Variants in CEP350 observed in about 807,000 individuals in gnomAD.
The protein encoded by CEP350 is centrosome-associated protein 350.
In CEP350, 126 loss-of-function variants were observed where a neutral mutation model predicts 331.8. The ratio of observed to expected loss-of-function variants is 0.38; its 90% CI spans 0.33 to 0.44. CEP350 has a LOEUF of 0.44. Among genes scored for constraint, CEP350 ranks in the 20% least tolerant of loss-of-function variants. The pLI is 1.00. For missense variants in CEP350, 3,406 were observed against 3,634.6 expected (o/e 0.94, Z 1.62); for synonymous variants, 1,200 against 1,259.5 (o/e 0.95, Z 1.00).
intron 14 of CEP350, among the ~76,000 whole-genome samples, chr1:180,030,305 G>GTATATA (rs1655937922): frequency 8.8e-6 from 1 of 113,260 alleles, no homozygotes; most frequent in Non-Finnish European, 1.9e-5. Context: ...AAGTATATAT[G>GTATATA]TGTATATATG....
chr1:180,067,045 C>T (rs1658587927), intron 27 of CEP350, among the ~76,000 whole-genome samples: 1 of 152,088 alleles, frequency 6.6e-6, no homozygotes, highest in Non-Finnish European at 1.5e-5. Context: ...AACTTAATTC[C>T]AGTCTGACCT....
chr1:180,077,123 A>G (rs2149070194), intron 28 of CEP350, among the ~76,000 whole-genome samples: 1 of 152,312 alleles, frequency 6.6e-6, no homozygotes, highest in East Asian at 1.9e-4. Flanking sequence ...CACATAGGTA[A>G]TCCAGAATTT....
Position 180,087,672 on chromosome 1 carries a change from C to T in CEP350, c.6380C>T (p.Ser2127Leu), listed in dbSNP as rs745589929. The T allele has an allele frequency of 1.9e-6, 3 of 1,582,452 alleles. No individual in the cohort carries two copies. The highest frequency in any genetic ancestry group is 2.6e-6 in the Non-Finnish European group (3 of 1,162,650). The change falls in exon 32 of 38, where the codon TCA becomes TTA. Residue 2127 changes from serine (S) to leucine (L), a missense_variant. Transcript: ENST00000367607. ...TAKPQIKTLS[S>L]ASEKPKIKPL... ...AAGCCTCAGATTAAAACGCTCTCCT[C>T]AGCTTCTGAAAAACCCAAGATCAAA... is the stretch of plus-strand genomic sequence containing the variant.
intron 33 of CEP350, among the ~76,000 whole-genome samples, chr1:180,091,305 G>A (rs1318181328): frequency 6.6e-6 from 1 of 152,062 alleles, no homozygotes; most frequent in South Asian, 2.1e-4. Flanking sequence ...TTCAGCCAAA[G>A]TGGTGAGATT....
intron 37 of CEP350, among the ~76,000 whole-genome samples, chr1:180,103,878 T>C (rs576228907): frequency 2.3e-4 from 34 of 150,626 alleles, no homozygotes; most frequent in African/African-American, 8.0e-4. Context: ...CCCTCCTTTC[T>C]TAGAATTTCT....
chr1:179,958,723 G>T (rs147605337), intron 1 of CEP350, among the ~76,000 whole-genome samples: 59 of 152,200 alleles, frequency 3.9e-4, no homozygotes, highest in African/African-American at 1.4e-3. Context: ...TAACAGTTAG[G>T]CCCTAAATAA....
intron 6 of CEP350, among the ~76,000 whole-genome samples, chr1:179,998,165 C>A (rs1330883029): frequency 6.6e-6 from 1 of 151,654 alleles, no homozygotes; most frequent in Non-Finnish European, 1.5e-5. Flanking sequence ...TAGTTTAATT[C>A]ATGTTAGATT....
At chr1:180,032,293 T>A (rs964288221) in intron 15 of CEP350, among the ~76,000 whole-genome samples, 1 of 152,176 alleles carries the variant, frequency 6.6e-6, no homozygotes, top group African/African-American at 2.4e-5. Context: ...TTTCTAGTAC[T>A]GTGACACATA....
At chr1:180,009,005 C>A (rs1468711156) in intron 8 of CEP350, among the ~76,000 whole-genome samples, 3 of 152,168 alleles carry the variant, frequency 2.0e-5, no homozygotes. Flanking sequence ...TGAGCATTAA[C>A]AATTACATTT....
Position 180,112,094 on chromosome 1 carries a change from T to C in CEP350, c.*933T>C, listed in dbSNP as rs1661490574. ...TTACTTGAATGATTTAGGAAATGAGTGTGTGCACCAAAGACAAAAAGATAT... is the reference window on the plus strand; with the variant it reads ...TTACTTGAATGATTTAGGAAATGAGCGTGTGCACCAAAGACAAAAAGATAT... On this transcript the variant is annotated 3_prime_UTR_variant, in exon 38 of 38. Transcript: ENST00000367607. 1 of 152,614 alleles carries C rather than the reference T, an allele frequency of 6.6e-6. No homozygotes were observed. The highest frequency in any genetic ancestry group is 1.5e-5 in the Non-Finnish European group (1 of 68,028). 9.5% of individuals were successfully genotyped at this position (152,614 alleles called of 1,614,324 possible).
chr1:179,969,096 G>C, intron 1 of CEP350: 1 of 688,874 alleles, frequency 1.5e-6, no homozygotes. Context: ...TCTCCTTTGC[G>C]CTGTGTGGAC....
rs763535134 is a variant in CEP350 at position 180,111,315 on chromosome 1, A to G, written c.*154A>G. On this transcript the variant is annotated 3_prime_UTR_variant, in exon 38 of 38. Coordinates refer to ENST00000367607, the MANE Select transcript of CEP350 (RefSeq NM_014810.5). Reference sequence around the variant, plus strand: ...TATGGAGTTCATAGGACAATGTGGTACACCTGGTATTACAGCCTTTGCCTT... The same window carrying G: ...TATGGAGTTCATAGGACAATGTGGTGCACCTGGTATTACAGCCTTTGCCTT... The G allele has an allele frequency of 8.3e-5, 71 of 856,402 alleles. No homozygotes were observed. The highest frequency in any genetic ancestry group is 1.1e-4 in the Non-Finnish European group (65 of 571,212). 53.1% of individuals were successfully genotyped at this position (856,402 alleles called of 1,614,324 possible). A position where few individuals can be genotyped will look rare whatever the true frequency, so the allele number is the denominator to read the frequency against.
At chr1:180,063,355 C>T (rs1306794946) in intron 26 of CEP350, among the ~76,000 whole-genome samples, 1 of 151,648 alleles carries the variant, frequency 6.6e-6, no homozygotes, top group Non-Finnish European at 1.5e-5. Context: ...CCACCCTCAG[C>T]TAATTTTTTG....
chr1:180,092,147 A>G (rs1047635854), intron 33 of CEP350, among the ~76,000 whole-genome samples: 2 of 152,194 alleles, frequency 1.3e-5, no homozygotes, highest in African/African-American at 2.4e-5. Context: ...TTAAAGTGCT[A>G]TATTTGCAGA....
chr1:179,961,924 CA>C (rs1249454556), intron 1 of CEP350, among the ~76,000 whole-genome samples: 5 of 151,848 alleles, frequency 3.3e-5, no homozygotes, highest in African/African-American at 4.9e-5. Context: ...AGGCTCATTG[CA>C]ACTTCTGCCT....
intron 26 of CEP350, among the ~76,000 whole-genome samples, chr1:180,064,878 T>C (rs560366861): frequency 6.6e-6 from 1 of 152,280 alleles, no homozygotes; most frequent in East Asian, 1.9e-4. Flanking sequence ...AATTATTACA[T>C]GTTGTGATAT....
chr1:179,982,629 A>G (rs912308535), intron 1 of CEP350, among the ~76,000 whole-genome samples: 3 of 152,220 alleles, frequency 2.0e-5, no homozygotes, highest in African/African-American at 7.2e-5. Context: ...TGGAAAATTG[A>G]TAATCACTAT....
intron 1 of CEP350, among the ~76,000 whole-genome samples, chr1:179,975,903 G>C (rs1016823199): frequency 3.9e-5 from 6 of 152,136 alleles, no homozygotes; most frequent in African/African-American, 1.4e-4. Flanking sequence ...TAGAGAACAA[G>C]AGGCCCAGGA....
At chr1:180,076,605 A>G (rs572865700) in intron 28 of CEP350, among the ~76,000 whole-genome samples, 33 of 152,262 alleles carry the variant, frequency 2.2e-4, no homozygotes, top group African/African-American at 7.2e-4. Flanking sequence ...CCTGGGCAAC[A>G]TGGTAAAACC....
Sources: gnomAD v4.1 joint callset for allele counts (sites outside exome capture counted in the v4.1 genomes callset) on GRCh38, gnomAD v4.1.1 for gene constraint, MANE v1.5 for transcripts, NCBI Gene and HGNC (gene_info 2026-07-23, HGNC 2026-07-21) for gene names.